Variants in RNF144A observed in about 807,000 individuals in gnomAD.
The protein encoded by RNF144A is E3 ubiquitin-protein ligase RNF144A.
RNF144A carries 11 observed loss-of-function variants against 38.7 expected under a neutral mutation model. That is an observed-to-expected ratio of 0.28 (90% CI 0.18 to 0.47). The LOEUF is 0.47. Among genes scored for constraint, RNF144A ranks in the 20% least tolerant of loss-of-function variants. The probability of loss-of-function intolerance (pLI) is 0.99; values close to 1 mark genes in which losing one functional copy is unlikely to be tolerated. For missense variants in RNF144A, 316 were observed against 377.2 expected, an observed-to-expected ratio of 0.84 and a Z score of 1.34; for synonymous variants, 149 against 143.9, an observed-to-expected ratio of 1.04 and a Z score of -0.25.
chr2:6,994,363 G>A lies in RNF144A; in HGVS notation c.-11-2553G>A, dbSNP rs546923607. ...TAACATTTTAAAATATAATTATCATGTTGTCCAGTGAACTTTAAGAGATGC... is the reference window on the plus strand; with the variant it reads ...TAACATTTTAAAATATAATTATCATATTGTCCAGTGAACTTTAAGAGATGC... On this transcript the variant is annotated intron_variant, in intron 2 of 8. Transcript: ENST00000320892. Among the ~76,000 whole-genome samples the A allele has an allele frequency of 4.6e-5, 7 of 152,188 alleles. No individual in the cohort carries two copies. In the East Asian group the frequency reaches 1.3e-3, roughly 29 times the overall value.
At chr2:7,025,549 G>A (rs564578708) in intron 7 of RNF144A, among the ~76,000 whole-genome samples, 42 of 152,158 alleles carry the variant, frequency 2.8e-4, no homozygotes, top group Non-Finnish European at 4.6e-4. Context: ...GCATGCACCT[G>A]TAGTCCCAGC....
chr2:7,027,042 G>A lies in RNF144A; in HGVS notation c.657+2526G>A, dbSNP rs192589545. On this transcript the variant is annotated intron_variant, in intron 7 of 8. Transcript: ENST00000320892. ...ATTTACGACAAGCACATAAATGCAC[G>A]GCCTGAATCCAGCCAAGAGCACTCA... is the stretch of plus-strand genomic sequence containing the variant. 2.7e-3 allele frequency among the ~76,000 whole-genome samples: 415 copies of A among 152,302 alleles called. 1 individual carries two copies. Among genetic ancestry groups the A allele is most frequent in the Non-Finnish European group, 4.7e-3 (320 of 68,020 alleles).
intron 6 of RNF144A, 83 bp from the exon 7 acceptor site, chr2:7,024,286 G>T: frequency 1.6e-6 from 2 of 1,234,420 alleles, no homozygotes; most frequent in Non-Finnish European, 2.2e-6. Context: ...GTGAAGTGGA[G>T]CCGATGCTTC....
At chr2:6,970,045 C>A (rs146252704) in intron 2 of RNF144A, among the ~76,000 whole-genome samples, 1 of 152,212 alleles carries the variant, frequency 6.6e-6, no homozygotes, top group Non-Finnish European at 1.5e-5. Context: ...CAGGCGTAAG[C>A]CACCGCGCCT....
downstream of RNF144A, among the ~76,000 whole-genome samples, chr2:7,047,322 G>A (rs920428370): frequency 2.6e-5 from 4 of 152,148 alleles, no homozygotes; most frequent in Non-Finnish European, 5.9e-5. Flanking sequence ...AAGTGTATTA[G>A]TCCATTTTCA....
chr2:7,039,655 G>A lies in RNF144A; in HGVS notation c.774G>A (p.Gly258=), dbSNP rs1672923154. The part of the protein sequence containing the change: ...TQVVGIFAGF[G]LLLLVASPFL... ...TTGTGGGCATTTTTGCAGGATTTGG[G>A]CTGCTGCTCTTGGTGGCCTCACCTT... The change falls in exon 9 of 9, where the codon GGG becomes GGA. Residue 258 remains glycine, a synonymous_variant. Coordinates refer to ENST00000320892, the MANE Select transcript of RNF144A (RefSeq NM_014746.6). 5.0e-6 allele frequency: 8 copies of A among 1,613,988 alleles called. No homozygotes were observed. The highest frequency in any genetic ancestry group is 5.9e-6 in the Non-Finnish European group (7 of 1,179,966).
At chr2:7,061,046 A>G (rs973057239) in intron 6 of RNF144A, among the ~76,000 whole-genome samples, 8 of 152,298 alleles carry the variant, frequency 5.3e-5, no homozygotes, top group African/African-American at 1.9e-4. Flanking sequence ...ATAAAGCAAC[A>G]TTTTGATGCC....
rs1043206162 is a variant in RNF144A, at chr2:6,962,798, C to T, written c.-12+21651C>T. The stretch of plus-strand genomic sequence containing the variant: ...TACCTTTTCCATTACTGAGCACAGG[C>T]ATTCATGCACAGAAGGTCCTCAGTT... On this transcript the variant is annotated intron_variant, in intron 2 of 8. Coordinates refer to ENST00000320892, the MANE Select transcript of RNF144A (RefSeq NM_014746.6). This position sits in a 1 kb window ranked among gnomAD's most constrained non-coding sequence, Gnocchi z 4.1. 1.3e-5 allele frequency among the ~76,000 whole-genome samples: 2 copies of T among 152,196 alleles called. No individual in the cohort carries two copies. Among genetic ancestry groups the T allele is most frequent in the African/African-American group, 4.8e-5 (2 of 41,450 alleles).
Position 7,024,419 on chromosome 2 carries a change from A to G in RNF144A, c.560A>G (p.Lys187Arg). The G allele has an allele frequency of 6.2e-7, 1 of 1,612,538 alleles. No individual in the cohort carries two copies. The highest frequency in any genetic ancestry group is 8.5e-7 in the Non-Finnish European group (1 of 1,178,544). ...EDDAPIKRCP[K>R]CKVYIERDEG... The stretch of plus-strand genomic sequence containing the variant: ...GACGCGCCCATCAAGCGCTGCCCCA[A>G]GTGCAAAGTCTACATCGAGCGAGAC... Residue 187 changes from lysine to arginine, a missense_variant, in exon 7 of 9, where the codon AAG (lysine) becomes AGG (arginine). Transcript: ENST00000320892.
At chr2:7,035,972 G>A (rs1672648049) in intron 8 of RNF144A, among the ~76,000 whole-genome samples, 1 of 152,186 alleles carries the variant, frequency 6.6e-6, no homozygotes, top group Non-Finnish European at 1.5e-5. Flanking sequence ...AAGTAAATGA[G>A]CATGAAAACC....
At chr2:7,016,115 A>AC (rs1404463885) in intron 5 of RNF144A, among the ~76,000 whole-genome samples, 1 of 151,156 alleles carries the variant, frequency 6.6e-6, no homozygotes, top group Non-Finnish European at 1.5e-5. Flanking sequence ...AAAAAAAAAA[A>AC]AAAAAAAGAA....
In RNF144A at chr2:7,020,504, C is replaced by T. The variant is rs748102601; in HGVS notation, c.333C>T (p.Cys111=). The stretch of plus-strand genomic sequence containing the variant: ...TGTTTGATCCCTGTCGGACTTGGTG[C>T]CCGGCGTCCACCTGCCAAGCTGTGT... ...EVLFDPCRTW[C]PASTCQAVCQ... Residue 111 remains cysteine (C), a synonymous_variant, in exon 6 of 9, where the codon TGC becomes TGT. Coordinates refer to ENST00000320892, the MANE Select transcript of RNF144A (RefSeq NM_014746.6). 5.6e-6 allele frequency: 9 copies of T among 1,613,666 alleles called. No homozygotes were observed. The Admixed American group carries it at 1.0e-4, about 18-fold the overall frequency.
chr2:7,068,278 G>C (rs1674315075), exon 7 of RNF144A: 1 of 1,296,930 alleles, frequency 7.7e-7, no homozygotes, highest in Non-Finnish European at 1.0e-6. Context: ...ATCTGTAAGA[G>C]GTGGGTTGTT....
chr2:7,034,377 G>A (rs1672525989), intron 8 of RNF144A, among the ~76,000 whole-genome samples: 1 of 152,152 alleles, frequency 6.6e-6, no homozygotes, highest in South Asian at 2.1e-4. Flanking sequence ...ACAGCGTGCA[G>A]CCGTTTGAGT....
At chr2:7,071,191 C>T (rs1674470183), downstream of RNF144A, among the ~76,000 whole-genome samples, 1 of 152,216 alleles carries the variant, frequency 6.6e-6, no homozygotes, top group Admixed American at 6.5e-5. Context: ...CCTCCTCGGC[C>T]TCCCAAAGTG....
rs1484143382 is a variant in RNF144A, at chr2:7,039,760, G to A, written c.879G>A (p.Ter293=). ...GTGACGACGACCCGTTACCCACCTA[G>A]AGGAAGCGCGATGCTGGAACACATC... is the stretch of plus-strand genomic sequence containing the variant. ...SKGDDDPLPT[*] is the part of the protein sequence containing the mutation. The change falls in exon 9 of 9, where the codon TAG becomes TAA. Residue 293 remains the stop codon, a stop_retained_variant. Coordinates refer to ENST00000320892, the MANE Select transcript of RNF144A (RefSeq NM_014746.6). 1.2e-6 allele frequency: 2 copies of A among 1,612,894 alleles called. No homozygotes were observed. The highest frequency in any genetic ancestry group is 1.7e-6 in the Non-Finnish European group (2 of 1,179,830).
At chr2:7,065,639 A>G (rs1052813179) in intron 6 of RNF144A, among the ~76,000 whole-genome samples, 3 of 152,210 alleles carry the variant, frequency 2.0e-5, no homozygotes, top group African/African-American at 7.2e-5. Flanking sequence ...GAAATAGCCA[A>G]ATATCTTTGG....
intron 2 of RNF144A, among the ~76,000 whole-genome samples, chr2:6,948,875 G>A (rs1400407186): frequency 1.3e-5 from 2 of 152,118 alleles, no homozygotes; most frequent in African/African-American, 4.8e-5. Context: ...AGAAATAATG[G>A]TGTCCAGCTG....
chr2:6,950,046 T>G lies in RNF144A; in HGVS notation c.-12+8899T>G, dbSNP rs1037657287. Among the ~76,000 whole-genome samples, 4 of 152,190 alleles carry G rather than the reference T, an allele frequency of 2.6e-5. No individual in the cohort carries two copies. In the South Asian group the frequency reaches 8.3e-4, roughly 32 times the overall value. On this transcript the variant is annotated intron_variant, in intron 2 of 8. Coordinates refer to ENST00000320892, the MANE Select transcript of RNF144A (RefSeq NM_014746.6). ...ACAGGATTCTGCCATATTACTGTTT[T>G]AAGCAGTGCGTTTAAAGAGCTGTAT...
Sources: allele counts gnomAD v4.1 joint callset (sites outside exome capture counted in the v4.1 genomes callset), GRCh38; gene constraint gnomAD v4.1.1; non-coding constraint Gnocchi (gnomAD v3.1); transcripts MANE v1.5; gene names NCBI Gene and HGNC (gene_info 2026-07-23, HGNC 2026-07-21).